The following AGAP1 variants were observed in gnomAD, a reference collection of about 807,000 sequenced individuals.
AGAP1 encodes the protein arf-GAP with GTPase, ANK repeat and PH domain-containing protein 1.
In AGAP1, 29 loss-of-function variants were observed where a neutral mutation model predicts 105.3. The ratio of observed to expected loss-of-function variants is 0.28; its 90% CI spans 0.21 to 0.38. The LOEUF is 0.38. Ranked by LOEUF, AGAP1 falls within the 10% of genes least tolerant of loss-of-function variation. The pLI, the probability that AGAP1 is intolerant of heterozygous loss-of-function variation, is 1.00. For synonymous variants in AGAP1, 509 were observed against 485.9 expected, an observed-to-expected ratio of 1.05 and a Z score of -0.63; for missense variants, 998 against 1,165.1, an observed-to-expected ratio of 0.86 and a Z score of 2.09.
At chr2:236,072,881 G>GT in intron 16 of AGAP1, among the ~76,000 whole-genome samples, 1 of 152,168 alleles carries the variant, frequency 6.6e-6, no homozygotes. Context: ...GTAGCTGCAT[G>GT]TTAAAAAGTC....
At chr2:236,086,596 G>A (rs935003618) in intron 16 of AGAP1, among the ~76,000 whole-genome samples, 8 of 152,086 alleles carry the variant, frequency 5.3e-5, no homozygotes, top group East Asian at 1.9e-4. Context: ...AAAACTAACC[G>A]TCACTCAGCA....
intron 1 of AGAP1, among the ~76,000 whole-genome samples, chr2:235,515,844 G>A (rs1942355843): frequency 6.6e-6 from 1 of 152,160 alleles, no homozygotes; most frequent in African/African-American, 2.4e-5. Flanking sequence ...AAATGCTAGA[G>A]GATGGTGTTG....
intron 1 of AGAP1, among the ~76,000 whole-genome samples, chr2:235,528,737 C>T (rs1017243899): frequency 7.2e-5 from 11 of 152,070 alleles, no homozygotes; most frequent in African/African-American, 1.9e-4. Context: ...AGTGCAGTGG[C>T]GTGATCTTGG....
At position 236,126,126 on chromosome 2, in the gene AGAP1, C is replaced by T. The variant is rs1460439100; in HGVS notation, c.*2004C>T. 1.3e-5 allele frequency: 2 copies of T among 152,104 alleles called. No individual in the cohort carries two copies. The highest frequency in any genetic ancestry group is 6.6e-5 in the Admixed American group (1 of 15,262). The allele number at this position is 152,104 out of a possible 1,614,324, so 9.4% of individuals were successfully genotyped here. ...GTTTCATGGAAATTTCTAATCTTAA[C>T]GAAGCTAAGTGGAGCTCACTCGTAT... On this transcript the variant is annotated 3_prime_UTR_variant, in exon 18 of 18. Coordinates refer to ENST00000304032, the MANE Select transcript of AGAP1 (RefSeq NM_001037131.3).
rs2057868425 is a variant in AGAP1, at chr2:236,050,591, T to G, written c.2114+1310T>G. ...AACAAGCTTAAAAGATGAATTCATG[T>G]TTTAATATCTATTTTTTCACAGATA... On this transcript the variant is annotated intron_variant, in intron 16 of 17. Transcript: ENST00000304032. The surrounding 1 kb of genome is among the most constrained non-coding windows in gnomAD (Gnocchi z 4.0). 6.6e-6 allele frequency among the ~76,000 whole-genome samples: 1 copy of G among 152,160 alleles called. No homozygotes were observed. Among genetic ancestry groups the G allele is most frequent in the African/African-American group, 2.4e-5 (1 of 41,456 alleles).
Position 236,090,839 on chromosome 2 carries a change from A to G in AGAP1, c.2115-29353A>G, listed in dbSNP as rs2059040879. ...ACTGCAACCCCCGCCTCCCAGGTTCAAGCGATTCTCATGCCTCAGCCTCCT... is the reference window on the plus strand; with the variant it reads ...ACTGCAACCCCCGCCTCCCAGGTTCGAGCGATTCTCATGCCTCAGCCTCCT... On this transcript the variant is annotated intron_variant, in intron 16 of 17. Coordinates refer to ENST00000304032, the MANE Select transcript of AGAP1 (RefSeq NM_001037131.3). This position sits in a 1 kb window ranked among gnomAD's most constrained non-coding sequence, Gnocchi z 4.3. Among the ~76,000 whole-genome samples, 1 of 152,206 alleles carries G rather than the reference A, an allele frequency of 6.6e-6. No homozygotes were observed. The highest frequency in any genetic ancestry group is 2.1e-4 in the South Asian group (1 of 4,836).
chr2:236,099,422 T>C (rs1442629091), intron 16 of AGAP1, among the ~76,000 whole-genome samples: 2 of 151,008 alleles, frequency 1.3e-5, no homozygotes, highest in African/African-American at 2.4e-5. Context: ...ACCACTGCAC[T>C]CCAGCCTGGG....
intron 1 of AGAP1, among the ~76,000 whole-genome samples, chr2:235,656,842 T>G (rs1439183653): frequency 6.6e-6 from 1 of 152,194 alleles, no homozygotes; most frequent in Non-Finnish European, 1.5e-5. Flanking sequence ...ATATATAACA[T>G]AATGTTGCAG....
At chr2:235,653,326 T>G (rs961673750) in intron 1 of AGAP1, among the ~76,000 whole-genome samples, 82 of 151,822 alleles carry the variant, frequency 5.4e-4, no homozygotes, top group Middle Eastern at 3.4e-3. Context: ...TAGCCTGGTG[T>G]GGTGGCGGGC....
chr2:236,102,258 A>G (rs1321139893), intron 16 of AGAP1, among the ~76,000 whole-genome samples: 1 of 152,104 alleles, frequency 6.6e-6, no homozygotes, highest in Non-Finnish European at 1.5e-5. Flanking sequence ...TCTACTAAAA[A>G]TACAAAAAAT....
intron 16 of AGAP1, among the ~76,000 whole-genome samples, chr2:236,075,869 G>A (rs1211657432): frequency 6.6e-6 from 1 of 152,224 alleles, no homozygotes; most frequent in African/African-American, 2.4e-5. Flanking sequence ...AATTTATTTG[G>A]AGAAGGCAGA....
Position 235,993,519 on chromosome 2 carries a change from A to C in AGAP1, c.1645+24896A>C, listed in dbSNP as rs1004491442. On this transcript the variant is annotated intron_variant, in intron 13 of 17. Transcript: ENST00000304032. The surrounding 1 kb of genome is among the most constrained non-coding windows in gnomAD (Gnocchi z 5.0). ...TAGGGAGGTAGTAATTGGATTTGCGATGTATTTCTTTTCTGCAAGTATGGT... is the reference window on the plus strand; with the variant it reads ...TAGGGAGGTAGTAATTGGATTTGCGCTGTATTTCTTTTCTGCAAGTATGGT... Among the ~76,000 whole-genome samples, 6 of 152,288 alleles carry C rather than the reference A, an allele frequency of 3.9e-5. No homozygotes were observed. Among genetic ancestry groups the C allele is most frequent in the Non-Finnish European group, 7.4e-5 (5 of 68,018 alleles).
At chr2:236,115,023 T>TC (rs931543241) in intron 16 of AGAP1, among the ~76,000 whole-genome samples, 6 of 151,992 alleles carry the variant, frequency 3.9e-5, no homozygotes, top group Non-Finnish European at 7.4e-5. Flanking sequence ...GCCAAGAGCA[T>TC]CCCCCCTACC....
At chr2:236,093,663 C>T (rs1020276703) in intron 16 of AGAP1, among the ~76,000 whole-genome samples, 2 of 152,102 alleles carry the variant, frequency 1.3e-5, no homozygotes, top group South Asian at 2.1e-4. Context: ...AGCCCTAGAA[C>T]GTATTTTTGG....
At chr2:235,940,139 C>T (rs145856196) in intron 12 of AGAP1, among the ~76,000 whole-genome samples, 20 of 152,282 alleles carry the variant, frequency 1.3e-4, no homozygotes, top group African/African-American at 4.6e-4. Context: ...CACCCTCCCT[C>T]GGCCTCACCT....
In AGAP1 at chr2:235,807,311, C is replaced by T; in HGVS notation, c.1030C>T (p.Arg344Ter). The part of the protein sequence containing the change: ...ESRADSIGSG[R>*]AIPIKQGMLL... ...TCGTGCGGACAGCATTGGGAGCGGCCGAGCCATCCCAATTAAACAGGTGAG... is the reference window on the plus strand; with the variant it reads ...TCGTGCGGACAGCATTGGGAGCGGCTGAGCCATCCCAATTAAACAGGTGAG... Residue 344 changes from arginine to a stop codon, truncating the protein, a stop_gained, in exon 9 of 18, where the codon CGA (arginine) becomes TGA (stop). Coordinates refer to ENST00000304032, the MANE Select transcript of AGAP1 (RefSeq NM_001037131.3). LOFTEE classifies it high-confidence loss of function. The T allele has an allele frequency of 6.3e-7, 1 of 1,598,334 alleles. No homozygotes were observed. The highest frequency in any genetic ancestry group is 8.5e-7 in the Non-Finnish European group (1 of 1,175,992).
In AGAP1 at chr2:236,131,460, C is replaced by T. The variant is rs1031903947; in HGVS notation, c.*7338C>T. ...GCAGTGTATAGAGATGGAAGGGCAG[C>T]GTGGGTGTATCCACAGATGGGTTTA... On this transcript the variant is annotated 3_prime_UTR_variant, in exon 18 of 18. Coordinates refer to ENST00000304032, the MANE Select transcript of AGAP1 (RefSeq NM_001037131.3). The surrounding 1 kb of genome is among the most constrained non-coding windows in gnomAD (Gnocchi z 5.9). The T allele has an allele frequency of 2.6e-5, 4 of 152,016 alleles. No individual in the cohort carries two copies. The highest frequency in any genetic ancestry group is 4.8e-5 in the African/African-American group (2 of 41,402). The allele number at this position is 152,016 out of a possible 1,614,324, so 9.4% of individuals were successfully genotyped here.
chr2:235,648,252 T>C (rs914086911), intron 1 of AGAP1, among the ~76,000 whole-genome samples: 2 of 152,230 alleles, frequency 1.3e-5, no homozygotes, highest in African/African-American at 4.8e-5. Flanking sequence ...GTGGGCAGTT[T>C]GGGTTTCTTT....
At chr2:235,727,594 A>G (rs767258591) in intron 3 of AGAP1, among the ~76,000 whole-genome samples, 1 of 152,218 alleles carries the variant, frequency 6.6e-6, no homozygotes, top group Non-Finnish European at 1.5e-5. Flanking sequence ...TTGGAATGTT[A>G]TACATTGTTT....
Sources: allele counts gnomAD v4.1 joint callset (sites outside exome capture counted in the v4.1 genomes callset), GRCh38; gene constraint gnomAD v4.1.1; non-coding constraint Gnocchi (gnomAD v3.1); transcripts MANE v1.5; gene names NCBI Gene and HGNC (gene_info 2026-07-23, HGNC 2026-07-21).